Variants in MAGT1 observed in about 807,000 individuals in gnomAD.
The protein encoded by MAGT1 is dolichyl-diphosphooligosaccharide--protein glycosyltransferase subunit MAGT1.
MAGT1 carries 4 observed loss-of-function variants against 28.4 expected under a neutral mutation model. The observed-to-expected ratio is 0.14, with a 90% CI of 0.07 to 0.32. MAGT1 has a LOEUF of 0.32. Ranked by LOEUF, MAGT1 falls within the 10% of genes least tolerant of loss-of-function variation. MAGT1 has a pLI of 1.00. For missense variants in MAGT1, 193 were observed against 264.5 expected (o/e 0.73, Z 1.88); for synonymous variants, 89 against 89.7 (o/e 0.99, Z 0.04).
chrX:77,857,158 A>T, intron 4 of MAGT1, among the ~76,000 whole-genome samples, 199 bp downstream of exon 4: 1 of 111,727 alleles, frequency 9.0e-6, no homozygotes, highest in South Asian at 3.7e-4. Context: ...AGTGGTTTCC[A>T]TGCTGAATTC....
At chrX:77,876,281 C>A (rs2077035036) in intron 1 of MAGT1, among the ~76,000 whole-genome samples, 2 of 102,586 alleles carry the variant, frequency 1.9e-5, no homozygotes, top group South Asian at 9.0e-4. Context: ...GTTGGCATTA[C>A]AGTCATGAGC....
chrX:77,847,087 C>T (rs1175927515), intron 7 of MAGT1, among the ~76,000 whole-genome samples: 6 of 112,121 alleles, frequency 5.4e-5, no homozygotes, highest in Non-Finnish European at 1.1e-4. Context: ...CCACCCAGTT[C>T]GAGCTTCCCG....
In MAGT1 at chrX:77,856,714, T is replaced by C. The variant is rs549144446; in HGVS notation, c.672+19A>G. On this transcript the variant is annotated intron_variant, in intron 5 of 9. Coordinates refer to ENST00000618282, the MANE Select transcript of MAGT1 (RefSeq NM_001367916.1). ...GGAATTTTATTCAAATAATTTTTTG[T>C]CTTCTGAAATTCACTCACCAAAGCT... 14 of 1,199,979 alleles carry C rather than the reference T, an allele frequency of 1.2e-5. No homozygotes were observed. The highest frequency in any genetic ancestry group is 1.8e-5 in the African/African-American group (1 of 57,136).
chrX:77,835,065 C>T (rs1284785997), intron 8 of MAGT1, among the ~76,000 whole-genome samples: 1 of 107,654 alleles, frequency 9.3e-6, no homozygotes, highest in African/African-American at 3.4e-5. Context: ...ACGCCATTCT[C>T]CTGCCTCAGC....
At chrX:77,851,673 C>T (rs894514295) in intron 7 of MAGT1, among the ~76,000 whole-genome samples, 9 of 109,948 alleles carry the variant, frequency 8.2e-5, no homozygotes, top group Non-Finnish European at 1.1e-4. Context: ...CACGCCTGGC[C>T]GTCTGGCTAA....
At chrX:77,844,693 T>A (rs1454454456) in intron 7 of MAGT1, among the ~76,000 whole-genome samples, 1 of 111,835 alleles carries the variant, frequency 8.9e-6, no homozygotes, top group Non-Finnish European at 1.9e-5. Flanking sequence ...GCCTTCATTT[T>A]GTTATGTACC....
rs1557217274 is a variant in MAGT1 at position 77,870,788 on chromosome X, G to A, written c.390+20C>T. ...ATATTTTACCTATTTTTATATAGCA[G>A]AATAAACCAAAGATCTTACCATCTG... is the stretch of plus-strand genomic sequence containing the variant. On this transcript the variant is annotated intron_variant, in intron 3 of 9. Coordinates refer to ENST00000618282, the MANE Select transcript of MAGT1 (RefSeq NM_001367916.1). 1 of 1,054,504 alleles carries A rather than the reference G, an allele frequency of 9.5e-7. No individual in the cohort carries two copies. The highest frequency in any genetic ancestry group is 2.2e-5 in the Admixed American group (1 of 45,572). The allele number at this position is 1,054,504 out of a possible 1,213,427, so 86.9% of individuals were successfully genotyped here.
At chrX:77,840,750 G>A (rs937220502) in intron 8 of MAGT1, among the ~76,000 whole-genome samples, 9 of 111,586 alleles carry the variant, frequency 8.1e-5, no homozygotes, top group African/African-American at 2.9e-4. Context: ...AAGTTGAGGT[G>A]TGAGGACAGC....
intron 1 of MAGT1, among the ~76,000 whole-genome samples, chrX:77,892,119 T>C (rs1557219530): frequency 9.0e-6 from 1 of 110,904 alleles, no homozygotes; most frequent in African/African-American, 3.3e-5. Context: ...GGTCTTGAAC[T>C]CCTGACCTCA....
At position 77,850,092 on chromosome X, in the gene MAGT1, A is replaced by ATGAGG. The variant is rs782596321; in HGVS notation, c.826+3808_826+3809insCCTCA. ...GTGAATATTTTCCAAAATCATAACT[A>ATGAGG]CTACTTAGAGGTGGCCTCAGTCTAT... On this transcript the variant is annotated intron_variant, in intron 7 of 9. Coordinates refer to ENST00000618282, the MANE Select transcript of MAGT1 (RefSeq NM_001367916.1). Among the ~76,000 whole-genome samples, 10 of 111,189 alleles carry ATGAGG rather than the reference A, an allele frequency of 9.0e-5. No homozygotes were observed. In the East Asian group the frequency reaches 2.3e-3, roughly 25 times the overall value.
intron 1 of MAGT1, among the ~76,000 whole-genome samples, chrX:77,881,904 T>C (rs1304445588): frequency 1.8e-5 from 2 of 111,624 alleles, no homozygotes; most frequent in Non-Finnish European, 3.8e-5. Context: ...CTCAATAAAA[T>C]ACTGGCAAAC....
intron 3 of MAGT1, among the ~76,000 whole-genome samples, chrX:77,858,350 C>T (rs1356276708): frequency 9.1e-6 from 1 of 110,489 alleles, no homozygotes; most frequent in Non-Finnish European, 1.9e-5. Context: ...GCCACCACAC[C>T]CAGCTAATTT....
chrX:77,870,714 C>A, intron 3 of MAGT1, 94 bp downstream of exon 3: 4 of 618,025 alleles, frequency 6.5e-6, no homozygotes, highest in Non-Finnish European at 1.1e-5. Flanking sequence ...TAAGAGCAAT[C>A]CCATTTAATG....
chrX:77,885,857 G>A (rs2077066673), intron 1 of MAGT1, among the ~76,000 whole-genome samples: 1 of 111,389 alleles, frequency 9.0e-6, no homozygotes, highest in Non-Finnish European at 1.9e-5. Context: ...GCACGTGCCT[G>A]TAATCCCAGC....
At chrX:77,890,491 T>C (rs1324986028) in intron 1 of MAGT1, among the ~76,000 whole-genome samples, 1 of 112,137 alleles carries the variant, frequency 8.9e-6, no homozygotes, top group Non-Finnish European at 1.9e-5. Flanking sequence ...GGTGTCTCCA[T>C]TTAATTGTTC....
At chrX:77,873,567 A>C (rs1261901734) in intron 2 of MAGT1, among the ~76,000 whole-genome samples, 1 of 111,879 alleles carries the variant, frequency 8.9e-6, no homozygotes, top group Non-Finnish European at 1.9e-5. Flanking sequence ...TTTGCTCCTA[A>C]GATCATTAAG....
At position 77,877,777 on chromosome X, in the gene MAGT1, C is replaced by T. The variant is rs781921184; in HGVS notation, c.103-2180G>A. ...GCGGTGAGCCGAGATCACGCCACTG[C>T]GCTCCAACGTGGGCGACAGAGTGAG... On this transcript the variant is annotated intron_variant, in intron 1 of 9. Transcript: ENST00000618282. Among the ~76,000 whole-genome samples the T allele has an allele frequency of 1.7e-4, 18 of 106,651 alleles. No individual in the cohort carries two copies. The South Asian group carries it at 6.5e-3, about 38-fold the overall frequency. The allele number at this position is 106,651 out of a possible 115,157, so 92.6% of individuals were successfully genotyped here.
chrX:77,875,231 T>C (rs1603363516), intron 2 of MAGT1, among the ~76,000 whole-genome samples, 197 bp downstream of exon 2: 1 of 111,058 alleles, frequency 9.0e-6, no homozygotes. Context: ...ACCACAATTA[T>C]TTATCCATGC....
chrX:77,883,230 T>C (rs1557218686), intron 1 of MAGT1, among the ~76,000 whole-genome samples: 3 of 105,285 alleles, frequency 2.8e-5, no homozygotes, highest in African/African-American at 3.4e-5. Flanking sequence ...TGTGTCTTTA[T>C]AGCAGCATGA....
Sources: allele counts gnomAD v4.1 joint callset (sites outside exome capture counted in the v4.1 genomes callset), GRCh38; gene constraint gnomAD v4.1.1; transcripts MANE v1.5; gene names NCBI Gene and HGNC (gene_info 2026-07-23, HGNC 2026-07-21).